The following TEX15 variants were observed in gnomAD, a reference collection of about 807,000 sequenced individuals.
TEX15 encodes testis expressed 15, meiosis and synapsis associated.
In TEX15, 171 loss-of-function variants were observed where a neutral mutation model predicts 237.3. That is an observed-to-expected ratio of 0.72 (90% CI 0.64 to 0.82). The LOEUF is 0.82. Ranked by LOEUF, TEX15 falls within the 40% of genes least tolerant of loss-of-function variation. The probability of loss-of-function intolerance (pLI) is 0.00; values close to 1 mark genes in which losing one functional copy is unlikely to be tolerated. For synonymous variants in TEX15, 1,338 were observed against 1,269.8 expected, an observed-to-expected ratio of 1.05 and a Z score of -1.14; for missense variants, 3,750 against 3,646.5, an observed-to-expected ratio of 1.03 and a Z score of -0.73.
chr8:30,909,394 A>ACCCCCCCCCCCCCCCCCCCCC (rs35046956), intron 1 of TEX15, among the ~76,000 whole-genome samples: 33 of 118,324 alleles, frequency 2.8e-4, no homozygotes, highest in Admixed American at 5.5e-4. Context: ...TTAAAGACAG[A>ACCCCCCCCCCCCCCCCCCCCC]CCCCCCCCCG....
At chr8:30,857,274 C>G (rs1807931538) in intron 7 of TEX15, among the ~76,000 whole-genome samples, 1 of 152,020 alleles carries the variant, frequency 6.6e-6, no homozygotes, top group Non-Finnish European at 1.5e-5. Flanking sequence ...TTAAAAGAAT[C>G]CTATCGCACA....
At chr8:30,906,586 T>C (rs1350152567) in intron 1 of TEX15, among the ~76,000 whole-genome samples, 2 of 120,450 alleles carry the variant, frequency 1.7e-5, no homozygotes, top group East Asian at 2.1e-4. Context: ...CAAGACTCCA[T>C]CTCAAAAGAA....
At chr8:30,887,862 GCACATATATATTT>G (rs1230729625) in intron 2 of TEX15, 14 of 125,736 alleles carry the variant, frequency 1.1e-4, no homozygotes, top group East Asian at 2.5e-4. Context: ...TATATATTTC[GCACATATATATTT>G]CACATATATA....
rs1464510010 is a variant in TEX15 at position 30,845,288 on chromosome 8, T to C, written c.4879A>G (p.Ile1627Val). Residue 1627 changes from isoleucine to valine, a missense_variant, in exon 8 of 11, where the codon ATA becomes GTA. Transcript: ENST00000643185. ...CAATCGTTGCCTGTACTAGAATTTA[T>C]GTTTTCTTTTATGCAACTTAAAGAT... ...SVSLSCIKENINSSTGNDCDA... is the reference protein window; with the variant it reads ...SVSLSCIKENVNSSTGNDCDA... The C allele has an allele frequency of 1.2e-6, 2 of 1,613,188 alleles. No individual in the cohort carries two copies. The highest frequency in any genetic ancestry group is 3.3e-5 in the Admixed American group (2 of 59,900).
rs372875539 is a variant in TEX15 at position 30,843,279 on chromosome 8, G to C, written c.6888C>G (p.Asp2296Glu). ...SFSKKYSQKK[D>E]EERLLRVNKC... is the part of the protein sequence containing the mutation. ...TATTCACTCTGAGTAGCCTTTCTTC[G>C]TCCTTCTTTTGTGAGTATTTTTTGC... The change falls in exon 8 of 11, where the codon GAC (aspartate) becomes GAG (glutamate). Residue 2296 changes from aspartate to glutamate, a missense_variant. Physicochemically the swap from Asp to Glu is conservative, Grantham distance 45. Coordinates refer to ENST00000643185, the MANE Select transcript of TEX15 (RefSeq NM_001350162.2). 2.5e-6 allele frequency: 4 copies of C among 1,611,672 alleles called. No homozygotes were observed. The highest frequency in any genetic ancestry group is 2.7e-5 in the African/African-American group (2 of 74,874).
chr8:30,837,922 T>C lies in TEX15; in HGVS notation c.8362A>G (p.Lys2788Glu), dbSNP rs139095018. The C allele has an allele frequency of 8.0e-5, 129 of 1,614,200 alleles. 1 individual carries two copies. Among genetic ancestry groups the C allele is most frequent in the Non-Finnish European group, 8.2e-5 (97 of 1,180,020 alleles). The stretch of plus-strand genomic sequence containing the variant: ...TCCGACTTTGATGCGCAAGTGTCTT[T>C]TGGGTTCTCTAAGGGTAAAAGTGAG... The part of the protein sequence containing the change: ...PGSLLPLENP[K>E]DTCASKSESK... The change falls in exon 10 of 11, where the codon AAA (lysine) becomes GAA (glutamate). Residue 2788 changes from lysine to glutamate, a missense_variant. Lys to Glu is a moderately conservative substitution (Grantham distance 56). Transcript: ENST00000643185.
rs755440476 is a variant in TEX15 at position 30,845,188 on chromosome 8, T to C, written c.4979A>G (p.His1660Arg). Residue 1660 changes from histidine to arginine, a missense_variant, in exon 8 of 11, where the codon CAC becomes CGC. Transcript: ENST00000643185. ...TTGTTGGTAGAGATCATTTAAAAAGTGCTTCACATTTGAATCTAAGACTGA... is the reference window on the plus strand; with the variant it reads ...TTGTTGGTAGAGATCATTTAAAAAGCGCTTCACATTTGAATCTAAGACTGA... ...LISVLDSNVK[H>R]FLNDLYQQGN... The C allele has an allele frequency of 1.2e-6, 2 of 1,613,414 alleles. No homozygotes were observed. The highest frequency in any genetic ancestry group is 1.7e-6 in the Non-Finnish European group (2 of 1,179,534).
At chr8:30,893,791 G>A (rs745412320) in intron 2 of TEX15, among the ~76,000 whole-genome samples, 3 of 152,036 alleles carry the variant, frequency 2.0e-5, no homozygotes, top group Non-Finnish European at 2.9e-5. Context: ...GATGTTCTAG[G>A]CTAAGTATTT....
At chr8:30,835,027 G>A (rs778535665) in intron 10 of TEX15, among the ~76,000 whole-genome samples, 16 of 152,116 alleles carry the variant, frequency 1.1e-4, no homozygotes, top group Non-Finnish European at 1.6e-4. Context: ...CCCACACTTT[G>A]CAAGGCAGGG....
Position 30,845,670 on chromosome 8 carries a change from A to C in TEX15, c.4497T>G (p.Ser1499Arg). The C allele has an allele frequency of 6.2e-7, 1 of 1,613,558 alleles. No homozygotes were observed. Among genetic ancestry groups the C allele is most frequent in the Middle Eastern group, 1.6e-4 (1 of 6,062 alleles). The change falls in exon 8 of 11, where the codon AGT (serine) becomes AGG (arginine). Residue 1499 changes from serine (S) to arginine (R), a missense_variant. Coordinates refer to ENST00000643185, the MANE Select transcript of TEX15 (RefSeq NM_001350162.2). The stretch of plus-strand genomic sequence containing the variant: ...CTCCCATGTGACTGGTGGTGGGGTG[A>C]CTTTTTGAGACACTGCTAGCCATAC... The part of the protein sequence containing the change: ...RKSMASSVSK[S>R]HPTTSHMGEF...
rs759840778 is a variant in TEX15 at position 30,887,215 on chromosome 8, G to A, written c.88C>T (p.Pro30Ser). 12 of 1,535,516 alleles carry A rather than the reference G, an allele frequency of 7.8e-6. No individual in the cohort carries two copies. The South Asian group carries it at 1.3e-4, about 17-fold the overall frequency. The change falls in exon 3 of 11, where the codon CCT becomes TCT. Residue 30 changes from proline (P) to serine (S), a missense_variant. Physicochemically the swap from Pro to Ser is moderately conservative, Grantham distance 74 (BLOSUM62 -1). Transcript: ENST00000643185. Reference protein sequence around the residue: ...KPVLNTREVNPLKKFTIPKIR... With the variant: ...KPVLNTREVNSLKKFTIPKIR... ...TTAGGAATGGTGAATTTCTTCAAAGGATTGACTTCACGAGTATTCAACACG... is the reference window on the plus strand; with the variant it reads ...TTAGGAATGGTGAATTTCTTCAAAGAATTGACTTCACGAGTATTCAACACG...
In TEX15 at chr8:30,847,204, G is replaced by A. The variant is rs145392313; in HGVS notation, c.2963C>T (p.Ala988Val). 4.3e-6 allele frequency: 7 copies of A among 1,613,818 alleles called. No homozygotes were observed. The Admixed American group carries it at 5.0e-5, about 12-fold the overall frequency. Residue 988 changes from alanine to valine, a missense_variant, in exon 8 of 11, where the codon GCT (alanine) becomes GTT (valine). Ala to Val is a moderately conservative substitution (Grantham distance 64, BLOSUM62 0). Transcript: ENST00000643185. ...GCTTAATGCAGGCATAGTAGCACTA[G>A]CTATCTGTATTGCAGCATTTGAGGC... ...CVASNAAIQIASATMPALSLN... is the reference protein window; with the variant it reads ...CVASNAAIQIVSATMPALSLN...
chr8:30,860,387 T>C (rs560831491), intron 5 of TEX15, among the ~76,000 whole-genome samples: 44 of 150,368 alleles, frequency 2.9e-4, no homozygotes, highest in Non-Finnish European at 5.2e-4. Flanking sequence ...ACTGGGATTA[T>C]AGGCATGAGC....
intron 3 of TEX15, among the ~76,000 whole-genome samples, chr8:30,882,207 C>G (rs1339128543): frequency 1.3e-5 from 2 of 152,202 alleles, no homozygotes; most frequent in Non-Finnish European, 2.9e-5. Context: ...GCCCCTTGCC[C>G]CCTACTTACT....
intron 3 of TEX15, among the ~76,000 whole-genome samples, chr8:30,880,227 C>T (rs946937447): frequency 5.1e-4 from 55 of 108,522 alleles, no homozygotes; most frequent in African/African-American, 5.0e-3. Context: ...GACGGGGTTT[C>T]GCCATGTGGC....
chr8:30,899,971 T>TCC, intron 1 of TEX15, among the ~76,000 whole-genome samples: 1 of 152,222 alleles, frequency 6.6e-6, no homozygotes, highest in East Asian at 1.9e-4. Context: ...TAAAATGCTA[T>TCC]GCATTTTCAA....
intron 1 of TEX15, among the ~76,000 whole-genome samples, chr8:30,906,609 AAAGAG>A (rs1026844179): frequency 1.3e-5 from 2 of 151,880 alleles, no homozygotes; most frequent in Non-Finnish European, 2.9e-5. Flanking sequence ...AAAAAAAAAA[AAAGAG>A]AGAGAGAACA....
intron 5 of TEX15, among the ~76,000 whole-genome samples, chr8:30,862,710 C>G (rs538835463): frequency 1.3e-5 from 2 of 152,116 alleles, no homozygotes; most frequent in Non-Finnish European, 2.9e-5. Flanking sequence ...AATCAGGATA[C>G]CTACTGTGAT....
chr8:30,837,149 AC>A lies in TEX15; in HGVS notation c.9134del (p.Cys3045LeufsTer20). On this transcript the variant is annotated frameshift_variant, in exon 10 of 11. Coordinates refer to ENST00000643185, the MANE Select transcript of TEX15 (RefSeq NM_001350162.2). LOFTEE classifies it high-confidence loss of function. The stretch of plus-strand genomic sequence containing the variant: ...CATTGCTGTTGCTGTACTGATAAAC[AC>A]ACCAAGCAGAGTATGGATATGAAGT... ...FGTSYPYSAW[C>X]VYQYSNSNGN... 6.2e-7 allele frequency: 1 copy of A among 1,614,054 alleles called. No individual in the cohort carries two copies. Among genetic ancestry groups the A allele is most frequent in the East Asian group, 2.2e-5 (1 of 44,874 alleles).
Sources: allele counts gnomAD v4.1 joint callset (sites outside exome capture counted in the v4.1 genomes callset), GRCh38; gene constraint gnomAD v4.1.1; transcripts MANE v1.5; gene names NCBI Gene and HGNC (gene_info 2026-07-23, HGNC 2026-07-21).